Variants in NR6A1 observed in about 807,000 individuals in gnomAD.
The protein encoded by NR6A1 is nuclear receptor subfamily 6 group A member 1.
NR6A1 carries 7 observed loss-of-function variants against 59.1 expected under a neutral mutation model. The observed-to-expected ratio is 0.12, with a 90% CI of 0.07 to 0.22. The LOEUF (loss-of-function observed/expected upper bound fraction) is 0.22, where lower values mean the gene tolerates loss of function less well. Ranked by LOEUF, NR6A1 falls within the 10% of genes least tolerant of loss-of-function variation. NR6A1 has a pLI of 1.00. For synonymous variants in NR6A1, 243 were observed against 236.1 expected (o/e 1.03, Z -0.27); for missense variants, 468 against 611.6 (o/e 0.77, Z 2.48).
rs1837559611 is a variant in NR6A1 at position 124,664,860 on chromosome 9, C to T, written c.142+68448G>A. On this transcript the variant is annotated intron_variant, in intron 2 of 9. Coordinates refer to ENST00000487099, the MANE Select transcript of NR6A1 (RefSeq NM_033334.4). ...AGCTATAAACTGGGATAACCATGGGCCAGAAGCCCTATCATTCAAGAAATG... is the reference window on the plus strand; with the variant it reads ...AGCTATAAACTGGGATAACCATGGGTCAGAAGCCCTATCATTCAAGAAATG... Among the ~76,000 whole-genome samples the T allele has an allele frequency of 2.6e-5, 4 of 151,842 alleles. No homozygotes were observed. In the South Asian group the frequency reaches 8.3e-4, roughly 32 times the overall value.
rs79607694 is a variant in NR6A1, at chr9:124,663,784, T to C, written c.142+69524A>G. ...AACACTGCACAAATAACTTGAAATC[T>C]TAGAAACATAAATATTGAATGAACT... is the stretch of plus-strand genomic sequence containing the variant. On this transcript the variant is annotated intron_variant, in intron 2 of 9. Transcript: ENST00000487099. Among the ~76,000 whole-genome samples the C allele has an allele frequency of 1.3e-3, 194 of 152,300 alleles. 1 individual carries two copies. Among genetic ancestry groups the C allele is most frequent in the African/African-American group, 4.5e-3 (185 of 41,560 alleles).
chr9:124,556,569 T>C (rs1434626334), intron 2 of NR6A1, among the ~76,000 whole-genome samples: 1 of 151,908 alleles, frequency 6.6e-6, no homozygotes, highest in Non-Finnish European at 1.5e-5. Flanking sequence ...CAAGCAATTA[T>C]CCTGCCTCAG....
chr9:124,599,252 C>T, intron 2 of NR6A1: 1 of 428,712 alleles, frequency 2.3e-6, no homozygotes, highest in Non-Finnish European at 4.4e-6. Flanking sequence ...AGACCAGTCT[C>T]GTCAACATGG....
intron 2 of NR6A1, among the ~76,000 whole-genome samples, chr9:124,730,730 CAAT>C (rs1204240231): frequency 1.3e-5 from 2 of 151,972 alleles, no homozygotes; most frequent in African/African-American, 4.8e-5. Flanking sequence ...AAGAATTCAA[CAAT>C]AATTTTTCTG....
chr9:124,701,062 A>T (rs960810614), intron 2 of NR6A1, among the ~76,000 whole-genome samples: 5 of 152,164 alleles, frequency 3.3e-5, no homozygotes, highest in Non-Finnish European at 7.3e-5. Context: ...CACCTGGCCT[A>T]CATACAGTCT....
intron 2 of NR6A1, among the ~76,000 whole-genome samples, chr9:124,563,707 T>C (rs555392500): frequency 1.3e-4 from 20 of 152,334 alleles, no homozygotes; most frequent in African/African-American, 4.8e-4. Context: ...TTTATGATGG[T>C]ATGAAAGTGA....
chr9:124,621,088 A>G (rs948308811), intron 2 of NR6A1, among the ~76,000 whole-genome samples: 1 of 152,252 alleles, frequency 6.6e-6, no homozygotes, highest in Non-Finnish European at 1.5e-5. Context: ...ATGTACCAAG[A>G]CTTCAAGATT....
At chr9:124,608,776 C>G (rs1012746275) in intron 2 of NR6A1, among the ~76,000 whole-genome samples, 5 of 152,148 alleles carry the variant, frequency 3.3e-5, no homozygotes, top group African/African-American at 1.2e-4. Context: ...TAAAAGCATT[C>G]CTATTTCTCT....
At chr9:124,671,374 A>C (rs1049224506) in intron 2 of NR6A1, among the ~76,000 whole-genome samples, 2 of 152,176 alleles carry the variant, frequency 1.3e-5, no homozygotes, top group Non-Finnish European at 2.9e-5. Context: ...CTGTAAAATG[A>C]GTTATCACCA....
intron 1 of NR6A1, among the ~76,000 whole-genome samples, chr9:124,766,219 C>A (rs570640385): frequency 6.6e-6 from 1 of 152,132 alleles, no homozygotes; most frequent in African/African-American, 2.4e-5. Context: ...CCCTAGTTAT[C>A]GAAGGCATCC....
At chr9:124,693,879 CA>C (rs1228239753) in intron 2 of NR6A1, 2 of 464,428 alleles carry the variant, frequency 4.3e-6, no homozygotes, top group Non-Finnish European at 9.0e-6. Context: ...CTACTATTTC[CA>C]AAACACTAGC....
At chr9:124,697,422 A>T (rs1425841106) in intron 2 of NR6A1, among the ~76,000 whole-genome samples, 1 of 152,156 alleles carries the variant, frequency 6.6e-6, no homozygotes, top group Non-Finnish European at 1.5e-5. Context: ...AGAGCAAATA[A>T]TAGGAGGGAC....
chr9:124,574,007 C>T (rs1263360756), intron 2 of NR6A1, among the ~76,000 whole-genome samples: 1 of 152,072 alleles, frequency 6.6e-6, no homozygotes, highest in African/African-American at 2.4e-5. Flanking sequence ...TACTTTTGTG[C>T]TAAAAACATC....
chr9:124,607,938 G>A (rs1023686378), intron 2 of NR6A1, among the ~76,000 whole-genome samples: 3 of 152,120 alleles, frequency 2.0e-5, no homozygotes, highest in Non-Finnish European at 4.4e-5. Flanking sequence ...CAGCCATGGT[G>A]GCAGACAACT....
At chr9:124,586,621 A>T (rs551608347) in intron 2 of NR6A1, among the ~76,000 whole-genome samples, 3 of 151,902 alleles carry the variant, frequency 2.0e-5, no homozygotes, top group South Asian at 2.1e-4. Flanking sequence ...AATTTTTTTT[A>T]AAATTTCAGT....
At chr9:124,720,791 A>G (rs933378063) in intron 2 of NR6A1, among the ~76,000 whole-genome samples, 4 of 152,136 alleles carry the variant, frequency 2.6e-5, no homozygotes, top group African/African-American at 9.7e-5. Context: ...AAAAAAAGTT[A>G]ATTTGTAAAA....
At chr9:124,565,470 C>A (rs1265195517) in intron 2 of NR6A1, among the ~76,000 whole-genome samples, 1 of 151,830 alleles carries the variant, frequency 6.6e-6, no homozygotes, top group Non-Finnish European at 1.5e-5. Context: ...AAAAAAAAGT[C>A]AGAAGCAGCA....
At chr9:124,703,713 T>G (rs1001110523) in intron 2 of NR6A1, among the ~76,000 whole-genome samples, 2 of 152,248 alleles carry the variant, frequency 1.3e-5, no homozygotes, top group African/African-American at 4.8e-5. Context: ...AGGTTCCCTG[T>G]GGTATCCTTG....
At chr9:124,747,187 C>CTTTTTTT (rs35429356) in intron 1 of NR6A1, among the ~76,000 whole-genome samples, 2 of 122,518 alleles carry the variant, frequency 1.6e-5, no homozygotes, top group African/African-American at 3.1e-5. Flanking sequence ...CCTTGTCTGA[C>CTTTTTTT]TTTTTTTTTT....
Sources: gnomAD v4.1 joint callset for allele counts (sites outside exome capture counted in the v4.1 genomes callset) on GRCh38, gnomAD v4.1.1 for gene constraint, MANE v1.5 for transcripts, NCBI Gene and HGNC (gene_info 2026-07-23, HGNC 2026-07-21) for gene names.